Variants in SYAP1 observed in about 807,000 individuals in gnomAD.
SYAP1 encodes synapse-associated protein 1.
In SYAP1, 3 loss-of-function variants were observed where a neutral mutation model predicts 29.6. The ratio of observed to expected loss-of-function variants is 0.10; its 90% CI spans 0.05 to 0.26. The LOEUF (loss-of-function observed/expected upper bound fraction) is 0.26. SYAP1 is among the 10% of genes least tolerant of loss of function. The probability of loss-of-function intolerance (pLI) is 1.00; values close to 1 mark genes in which losing one functional copy is unlikely to be tolerated. For synonymous variants in SYAP1, 102 were observed against 102.7 expected (o/e 0.99, Z 0.04); for missense variants, 217 against 264.1 (o/e 0.82, Z 1.24).
At chrX:16,725,741 C>T (rs1602319495) in intron 1 of SYAP1, among the ~76,000 whole-genome samples, 2 of 111,376 alleles carry the variant, frequency 1.8e-5, no homozygotes, top group South Asian at 7.5e-4. Context: ...TAGAGATGGA[C>T]GTTCCTGGAG....
Position 16,761,527 on chromosome X carries a change from CAT to C in SYAP1, c.*1171_*1172del, listed in dbSNP as rs1302607210. On this transcript the variant is annotated 3_prime_UTR_variant, in exon 9 of 9. Transcript: ENST00000380155. Reference sequence around the variant, plus strand: ...TCTCTTTCTGCTATACCAGCAGACACATATTCATAGAATATGATTATTTTTAA... The same window carrying C: ...TCTCTTTCTGCTATACCAGCAGACACATTCATAGAATATGATTATTTTTAA... 9.0e-6 allele frequency: 1 copy of C among 111,340 alleles called. No homozygotes were observed. The highest frequency in any genetic ancestry group is 1.9e-5 in the Non-Finnish European group (1 of 53,144). 9.2% of individuals were successfully genotyped at this position (111,340 alleles called of 1,213,427 possible).
At chrX:16,732,526 C>T (rs1480454201) in intron 1 of SYAP1, among the ~76,000 whole-genome samples, 1 of 111,219 alleles carries the variant, frequency 9.0e-6, no homozygotes, top group Non-Finnish European at 1.9e-5. Flanking sequence ...CCCGCCTCGG[C>T]CTCCCAAAGT....
At chrX:16,752,084 A>G (rs1469068468) in intron 5 of SYAP1, among the ~76,000 whole-genome samples, 1 of 102,028 alleles carries the variant, frequency 9.8e-6, no homozygotes, top group African/African-American at 3.6e-5. Flanking sequence ...GGTTCAAGCG[A>G]TTCTCCTGCC....
intron 5 of SYAP1, among the ~76,000 whole-genome samples, chrX:16,753,857 T>C (rs1408763332): frequency 9.0e-6 from 1 of 111,357 alleles, no homozygotes; most frequent in East Asian, 2.8e-4. Context: ...TTTTTACTTA[T>C]TCCCTGTGCA....
At position 16,741,824 on chromosome X, in the gene SYAP1, T is replaced by G. The variant is rs929113493; in HGVS notation, c.435+35T>G. ...TTGTGGTACCCCAGATAGAACATAC[T>G]TTCTTCTGTCATGATATATCTCTGT... On this transcript the variant is annotated intron_variant, in intron 4 of 8. Coordinates refer to ENST00000380155, the MANE Select transcript of SYAP1 (RefSeq NM_032796.4). 3.1e-6 allele frequency: 3 copies of G among 978,589 alleles called. No individual in the cohort carries two copies. In the South Asian group the frequency reaches 6.2e-5, roughly 20 times the overall value. 80.6% of individuals were successfully genotyped at this position (978,589 alleles called of 1,213,427 possible).
intron 5 of SYAP1, among the ~76,000 whole-genome samples, chrX:16,750,306 T>C (rs1926702133): frequency 8.9e-6 from 1 of 112,072 alleles, no homozygotes; most frequent in South Asian, 3.7e-4. Context: ...TAATCCCTTA[T>C]GAATTGCTAT....
chrX:16,751,461 A>G (rs889021722), intron 5 of SYAP1, among the ~76,000 whole-genome samples: 1 of 105,815 alleles, frequency 9.5e-6, no homozygotes, highest in Non-Finnish European at 1.9e-5. Context: ...CAAAAAAAAA[A>G]AAAAAAGGGA....
intron 1 of SYAP1, among the ~76,000 whole-genome samples, chrX:16,726,138 AC>A (rs1316447311): frequency 8.9e-6 from 1 of 111,834 alleles, no homozygotes; most frequent in East Asian, 2.8e-4. Context: ...CACCAGACCA[AC>A]GCAAAATTAG....
intron 1 of SYAP1, among the ~76,000 whole-genome samples, chrX:16,726,782 C>T (rs980113982): frequency 9.0e-6 from 1 of 111,422 alleles, no homozygotes; most frequent in Non-Finnish European, 1.9e-5. Flanking sequence ...AACTTGTTCC[C>T]GGTAGCACTC....
chrX:16,742,157 T>TA (rs1437348390), intron 4 of SYAP1, among the ~76,000 whole-genome samples: 1 of 90,615 alleles, frequency 1.1e-5, no homozygotes. Context: ...TTTTTTTTTT[T>TA]TTTTTTTTTT....
At chrX:16,735,615 GTTGTTTGT>G (rs780379282) in intron 2 of SYAP1, among the ~76,000 whole-genome samples, 12 of 111,161 alleles carry the variant, frequency 1.1e-4, no homozygotes, top group Non-Finnish European at 1.3e-4. Context: ...TTTCATGTTG[GTTGTTTGT>G]TTGTTTGTTT....
At chrX:16,746,652 G>C (rs1265646809) in intron 5 of SYAP1, among the ~76,000 whole-genome samples, 1 of 110,493 alleles carries the variant, frequency 9.1e-6, no homozygotes, top group Non-Finnish European at 1.9e-5. Context: ...GCTTGATCTC[G>C]GCTCATCGTA....
rs185202858 is a variant in SYAP1, at chrX:16,741,690, C to T, written c.362-26C>T. 2.9e-4 allele frequency: 330 copies of T among 1,139,191 alleles called. 1 individual carries two copies. The highest frequency in any genetic ancestry group is 1.9e-3 in the Middle Eastern group (8 of 4,126). The allele number at this position is 1,139,191 out of a possible 1,213,427, so 93.9% of individuals were successfully genotyped here. A position where few individuals can be genotyped will look rare whatever the true frequency, so the allele number is the denominator to read the frequency against. ...ATCATGACCTATTTTTTTCTCTTTT[C>T]TTCTTTGCCATTAAAAACTGTATAG... On this transcript the variant is annotated intron_variant, in intron 3 of 8. Transcript: ENST00000380155.
At chrX:16,726,598 C>A (rs891651482) in intron 1 of SYAP1, among the ~76,000 whole-genome samples, 3 of 111,577 alleles carry the variant, frequency 2.7e-5, no homozygotes, top group African/African-American at 9.8e-5. Context: ...GTTAGTGAGT[C>A]CTGGCCTGCC....
chrX:16,752,364 G>GATTATTATTATTATT (rs202245644), intron 5 of SYAP1, among the ~76,000 whole-genome samples: 1 of 96,150 alleles, frequency 1.0e-5, no homozygotes, highest in Non-Finnish European at 2.1e-5. Flanking sequence ...GTTATCAATG[G>GATTATTATTATTATT]ATTATTATTA....
intron 1 of SYAP1, among the ~76,000 whole-genome samples, chrX:16,720,888 C>T (rs1487577882): frequency 9.1e-6 from 1 of 110,428 alleles, no homozygotes; most frequent in Non-Finnish European, 1.9e-5. Context: ...TGGCGGGCAC[C>T]TGTAATCCCA....
intron 4 of SYAP1, 121 bp downstream of exon 4, chrX:16,741,910 G>C: frequency 2.0e-6 from 1 of 495,837 alleles, no homozygotes; most frequent in Non-Finnish European, 3.4e-6. Context: ...TGAGATGTTA[G>C]GAATGTACAC....
chrX:16,720,979 C>T (rs1381917766), intron 1 of SYAP1, among the ~76,000 whole-genome samples: 1 of 110,070 alleles, frequency 9.1e-6, no homozygotes, highest in Non-Finnish European at 1.9e-5. Flanking sequence ...CACCACTGCA[C>T]TCCAGCCTGG....
chrX:16,742,719 TC>T (rs972599943), intron 4 of SYAP1, among the ~76,000 whole-genome samples: 1 of 112,171 alleles, frequency 8.9e-6, no homozygotes, highest in African/African-American at 3.2e-5. Flanking sequence ...GCTCAAGTGA[TC>T]CTCCGGCCTT....
Sources: allele counts gnomAD v4.1 joint callset (sites outside exome capture counted in the v4.1 genomes callset), GRCh38; gene constraint gnomAD v4.1.1; transcripts MANE v1.5; gene names NCBI Gene and HGNC (gene_info 2026-07-23, HGNC 2026-07-21).